Variants in FGFR1 observed in about 807,000 individuals in gnomAD.
The protein encoded by FGFR1 is fibroblast growth factor receptor 1.
FGFR1 carries 18 observed loss-of-function variants against 93.7 expected under a neutral mutation model. That is an observed-to-expected ratio of 0.19 (90% CI 0.13 to 0.28). FGFR1 has a LOEUF of 0.28. Among genes scored for constraint, FGFR1 ranks in the 10% least tolerant of loss-of-function variants. The pLI is 1.00. For missense variants in FGFR1, 731 were observed against 1,080.4 expected, an observed-to-expected ratio of 0.68 and a Z score of 4.53; for synonymous variants, 448 against 429.3, an observed-to-expected ratio of 1.04 and a Z score of -0.54.
At chr8:38,417,604 G>T in intron 11 of FGFR1, 188 bp from the exon 12 acceptor site, 1 of 721,524 alleles carries the variant, frequency 1.4e-6, no homozygotes, top group Non-Finnish European at 2.4e-6. Flanking sequence ...TAGTGAGTGG[G>T]CAGGGATGTG....
intron 2 of FGFR1, among the ~76,000 whole-genome samples, chr8:38,437,576 AGTGAAAT>A (rs1177454794): frequency 6.6e-6 from 1 of 152,140 alleles, no homozygotes; most frequent in African/African-American, 2.4e-5. Flanking sequence ...TTAGATGAGA[AGTGAAAT>A]GTCTGGGGGG....
At position 38,412,847 on chromosome 8, in the gene FGFR1, C is replaced by CT. The variant is rs1212431769; in HGVS notation, c.*780dup. 4 of 233,354 alleles carry CT rather than the reference C, an allele frequency of 1.7e-5. No individual in the cohort carries two copies. The highest frequency in any genetic ancestry group is 1.2e-4 in the East Asian group (2 of 16,576). 14.5% of individuals were successfully genotyped at this position (233,354 alleles called of 1,614,324 possible). On this transcript the variant is annotated 3_prime_UTR_variant, in exon 18 of 18. Transcript: ENST00000447712. The stretch of plus-strand genomic sequence containing the variant: ...ATATGACCTTTTTAAAAACATTTTC[C>CT]TTTTTTTTCTTTTTTGTTTTTAATA...
intron 2 of FGFR1, among the ~76,000 whole-genome samples, chr8:38,440,703 A>C (rs1273237539): frequency 6.6e-6 from 1 of 152,158 alleles, no homozygotes; most frequent in Non-Finnish European, 1.5e-5. Context: ...AAAACGGTGC[A>C]AACTGCTGTG....
intron 2 of FGFR1, among the ~76,000 whole-genome samples, chr8:38,447,786 T>G (rs1032541467): frequency 5.3e-5 from 8 of 152,206 alleles, no homozygotes; most frequent in Admixed American, 2.0e-4. Flanking sequence ...CGGCTGGTAT[T>G]TATTATTATA....
chr8:38,461,303 G>T (rs1183464507), intron 1 of FGFR1: 2 of 600,788 alleles, frequency 3.3e-6, no homozygotes, highest in Non-Finnish European at 5.8e-6. Context: ...CAAAAATTAT[G>T]TAAGGAAAAC....
intron 13 of FGFR1, among the ~76,000 whole-genome samples, 193 bp downstream of exon 13, chr8:38,415,677 C>T (rs576974533): frequency 2.0e-5 from 3 of 152,168 alleles, no homozygotes; most frequent in East Asian, 3.9e-4. Flanking sequence ...CAGTCTGACC[C>T]CAAGGCCACC....
At chr8:38,451,916 G>T (rs73674169) in intron 2 of FGFR1, among the ~76,000 whole-genome samples, 2,014 of 151,982 alleles carry the variant, frequency 0.013, 44 homozygotes, top group African/African-American at 0.046. Flanking sequence ...AGAATGTTGG[G>T]GCTTATCATC....
intron 7 of FGFR1, 74 bp from the exon 8 acceptor site, chr8:38,422,015 G>T: frequency 6.5e-7 from 1 of 1,547,746 alleles, no homozygotes; most frequent in Non-Finnish European, 8.9e-7. Context: ...GCAAGGGAAG[G>T]AGACAGAAAG....
At chr8:38,430,099 A>G (rs1370196079) in intron 2 of FGFR1, 151 bp from the exon 3 acceptor site, 2 of 764,166 alleles carry the variant, frequency 2.6e-6, no homozygotes, top group East Asian at 5.4e-5. Flanking sequence ...GAGCCAGGGC[A>G]GTGGGAATTG....
chr8:38,440,220 C>T, intron 2 of FGFR1: 1 of 1,216,376 alleles, frequency 8.2e-7, no homozygotes, highest in South Asian at 1.3e-5. Flanking sequence ...AAAAGGAGCA[C>T]AGAACAGCGC....
intron 2 of FGFR1, chr8:38,435,642 C>T (rs994295798): frequency 6.6e-6 from 1 of 152,194 alleles, no homozygotes; most frequent in African/African-American, 2.4e-5. Context: ...TTCCAGTGTC[C>T]CTCACTTATG....
rs886062911 is a variant in FGFR1 at position 38,412,484 on chromosome 8, C to T, written c.*1144G>A. 8 of 233,022 alleles carry T rather than the reference C, an allele frequency of 3.4e-5. No individual in the cohort carries two copies. In the East Asian group the frequency reaches 4.8e-4, roughly 14 times the overall value. The allele number at this position is 233,022 out of a possible 1,614,324, so 14.4% of individuals were successfully genotyped here. On this transcript the variant is annotated 3_prime_UTR_variant, in exon 18 of 18. Transcript: ENST00000447712. Reference sequence around the variant, plus strand: ...TGCTGGGCCTTGACTCTCTGCCCAGCGCCTCTACTGCATGGATGGGGTTCC... The same window carrying T: ...TGCTGGGCCTTGACTCTCTGCCCAGTGCCTCTACTGCATGGATGGGGTTCC...
chr8:38,429,179 GCAAGTTCC>G lies in FGFR1; in HGVS notation c.358+495_358+502del. The G allele has an allele frequency of 2.6e-6, 1 of 389,470 alleles. No homozygotes were observed. The highest frequency in any genetic ancestry group is 3.3e-5 in the Admixed American group (1 of 30,540). 24.1% of individuals were successfully genotyped at this position (389,470 alleles called of 1,614,324 possible). Reference sequence around the variant, plus strand: ...TTGTGAAAGTCACATTCTAAGAGTGGCAAGTTCCCAAGTTCACAGAGCTCCAGGGCTCC... The same window carrying G: ...TTGTGAAAGTCACATTCTAAGAGTGGCAAGTTCACAGAGCTCCAGGGCTCC... On this transcript the variant is annotated intron_variant, in intron 3 of 17. Transcript: ENST00000447712. The surrounding 1 kb of genome is among the most constrained non-coding windows in gnomAD (Gnocchi z 4.4).
chr8:38,418,733 C>T (rs1817653804), intron 9 of FGFR1: 1 of 346,902 alleles, frequency 2.9e-6, no homozygotes, highest in Non-Finnish European at 5.5e-6. Context: ...AAGCACCTTC[C>T]AGAATGAGCA....
intron 2 of FGFR1, among the ~76,000 whole-genome samples, chr8:38,446,489 G>C (rs2151193198): frequency 6.6e-6 from 1 of 151,424 alleles, no homozygotes; most frequent in East Asian, 1.9e-4. Context: ...AGGATTACAG[G>C]TGTGACCCAC....
intron 5 of FGFR1, among the ~76,000 whole-genome samples, chr8:38,427,655 A>G (rs1346118038): frequency 6.6e-6 from 1 of 152,234 alleles, no homozygotes; most frequent in African/African-American, 2.4e-5. Context: ...TGCTTGAAAT[A>G]TATCAGGAAA....
Position 38,424,856 on chromosome 8 carries a change from A to G in FGFR1, c.746-157T>C, listed in dbSNP as rs878937693. 6.6e-6 allele frequency among the ~76,000 whole-genome samples: 1 copy of G among 152,214 alleles called. No individual in the cohort carries two copies. Among genetic ancestry groups the G allele is most frequent in the Non-Finnish European group, 1.5e-5 (1 of 68,032 alleles). The stretch of plus-strand genomic sequence containing the variant: ...AGCCTCTCAAAACAGAGCTGGGGAA[A>G]GGGACACCCTCTCTTCAGGCCCTAA... On this transcript the variant is annotated intron_variant, in intron 6 of 17. Transcript: ENST00000447712. This position sits in a 1 kb window ranked among gnomAD's most constrained non-coding sequence, Gnocchi z 4.3.
intron 1 of FGFR1, 195 bp downstream of exon 1, chr8:38,467,786 G>A (rs1013997434): frequency 2.6e-5 from 6 of 232,764 alleles, no homozygotes; most frequent in Non-Finnish European, 3.4e-5. Flanking sequence ...CGGACGGAGG[G>A]AAGGGAGGGG....
chr8:38,429,973 G>C lies in FGFR1; in HGVS notation c.92-25C>G. 6.3e-7 allele frequency: 1 copy of C among 1,587,002 alleles called. No homozygotes were observed. The highest frequency in any genetic ancestry group is 8.6e-7 in the Non-Finnish European group (1 of 1,165,658). ...GCTGCAGCCACCACGGGGCCGGGAA[G>C]GGAAGCCAAGGGGCGAGAGAGGAAG... On this transcript the variant is annotated intron_variant, in intron 2 of 17. Transcript: ENST00000447712. This position sits in a 1 kb window ranked among gnomAD's most constrained non-coding sequence, Gnocchi z 4.4.
Sources: allele counts gnomAD v4.1 joint callset (sites outside exome capture counted in the v4.1 genomes callset), GRCh38; gene constraint gnomAD v4.1.1; non-coding constraint Gnocchi (gnomAD v3.1); transcripts MANE v1.5; gene names NCBI Gene and HGNC (gene_info 2026-07-23, HGNC 2026-07-21).